FMN1: variants seen among roughly 807,000 people sequenced by gnomAD.
FMN1 encodes the protein formin 1.
In FMN1, 110 loss-of-function variants were observed where a neutral mutation model predicts 132.4. The observed-to-expected ratio is 0.83, with a 90% CI of 0.71 to 0.97. The LOEUF (loss-of-function observed/expected upper bound fraction) is 0.97, where lower values mean the gene tolerates loss of function less well. FMN1 is among the 50% of genes least tolerant of loss of function. The pLI, the probability that FMN1 is intolerant of heterozygous loss-of-function variation, is 0.00. For synonymous variants in FMN1, 722 were observed against 651.7 expected (o/e 1.11, Z -1.64); for missense variants, 1,792 against 1,705.3 (o/e 1.05, Z -0.90).
At chr15:33,102,296 A>G (rs924192883) in intron 4 of FMN1, among the ~76,000 whole-genome samples, 1 of 152,162 alleles carries the variant, frequency 6.6e-6, no homozygotes, top group African/African-American at 2.4e-5. Flanking sequence ...TCAATGAAAG[A>G]AGGAGCTATT....
chr15:33,188,960 G>C (rs1220049991), intron 2 of FMN1, among the ~76,000 whole-genome samples: 2 of 152,136 alleles, frequency 1.3e-5, no homozygotes, highest in African/African-American at 2.4e-5. Context: ...GGGCATAAGA[G>C]TTACTGTTGC....
chr15:33,005,084 A>G (rs2034341441), intron 7 of FMN1, among the ~76,000 whole-genome samples: 1 of 152,106 alleles, frequency 6.6e-6, no homozygotes, highest in Non-Finnish European at 1.5e-5. Flanking sequence ...GATATACCTA[A>G]TGCTAAATGA....
At chr15:32,800,167 A>AT (rs1487111368) in intron 18 of FMN1, among the ~76,000 whole-genome samples, 8 of 152,196 alleles carry the variant, frequency 5.3e-5, no homozygotes, top group African/African-American at 1.9e-4. Context: ...CATGGGTACG[A>AT]TTAGGCGAGA....
chr15:33,176,988 G>A (rs1965536292), intron 3 of FMN1, among the ~76,000 whole-genome samples: 1 of 152,192 alleles, frequency 6.6e-6, no homozygotes, highest in Non-Finnish European at 1.5e-5. Context: ...AAATAATTAA[G>A]ATAATTACTG....
At chr15:32,861,210 C>T (rs936018795) in intron 16 of FMN1, among the ~76,000 whole-genome samples, 1 of 152,204 alleles carries the variant, frequency 6.6e-6, no homozygotes, top group Non-Finnish European at 1.5e-5. Flanking sequence ...AGGATATAAT[C>T]GAACGCCTGA....
intron 17 of FMN1, among the ~76,000 whole-genome samples, chr15:32,810,363 A>C (rs1216954529): frequency 6.6e-6 from 1 of 152,214 alleles, no homozygotes; most frequent in Non-Finnish European, 1.5e-5. Flanking sequence ...TGAAGAGTAG[A>C]GTAGAACTGA....
At chr15:33,098,447 C>T (rs1027647572) in intron 4 of FMN1, among the ~76,000 whole-genome samples, 1 of 152,162 alleles carries the variant, frequency 6.6e-6, no homozygotes, top group African/African-American at 2.4e-5. Flanking sequence ...AAACTAGGCA[C>T]ACACTACAAC....
chr15:33,103,432 T>C (rs760904332), intron 4 of FMN1, among the ~76,000 whole-genome samples: 10 of 152,082 alleles, frequency 6.6e-5, no homozygotes, highest in African/African-American at 1.7e-4. Context: ...CTGGCACCTA[T>C]AGTACATAAA....
chr15:33,125,411 G>A (rs1456161805), intron 4 of FMN1, among the ~76,000 whole-genome samples: 2 of 151,280 alleles, frequency 1.3e-5, no homozygotes, highest in East Asian at 2.0e-4. Flanking sequence ...ACTCTTCCTA[G>A]ATGTACCAGT....
intron 16 of FMN1, among the ~76,000 whole-genome samples, chr15:32,877,858 T>C (rs993066590): frequency 2.0e-5 from 3 of 149,284 alleles, no homozygotes; most frequent in Non-Finnish European, 4.4e-5. Context: ...ATTTCTTCCA[T>C]TGTTCATTTG....
intron 4 of FMN1, among the ~76,000 whole-genome samples, chr15:33,102,711 T>C (rs1390976680): frequency 1.3e-5 from 2 of 152,170 alleles, no homozygotes; most frequent in Non-Finnish European, 2.9e-5. Flanking sequence ...GTCTTTCTGC[T>C]TTTTAATCCT....
At chr15:32,789,063 T>G (rs1327111571) in intron 19 of FMN1, among the ~76,000 whole-genome samples, 1 of 152,202 alleles carries the variant, frequency 6.6e-6, no homozygotes, top group Admixed American at 6.5e-5. Context: ...TTGCAATCAA[T>G]TTCAACATGG....
At chr15:32,781,422 A>C (rs2056660276) in intron 19 of FMN1, among the ~76,000 whole-genome samples, 1 of 152,220 alleles carries the variant, frequency 6.6e-6, no homozygotes, top group Admixed American at 6.5e-5. Flanking sequence ...CAATGAATTC[A>C]ACATTCTTAC....
intron 15 of FMN1, among the ~76,000 whole-genome samples, chr15:32,896,217 C>A (rs1184917466): frequency 6.6e-6 from 1 of 151,904 alleles, no homozygotes. Context: ...GTTAGTCTAT[C>A]ATTCTACACT....
At chr15:32,795,833 T>C (rs1009890068) in intron 19 of FMN1, among the ~76,000 whole-genome samples, 2 of 152,138 alleles carry the variant, frequency 1.3e-5, no homozygotes, top group Non-Finnish European at 2.9e-5. Flanking sequence ...CTCTTTTGCT[T>C]AAGATTGGCT....
chr15:32,821,396 T>C (rs562977074), intron 17 of FMN1, among the ~76,000 whole-genome samples: 82 of 152,112 alleles, frequency 5.4e-4, no homozygotes, highest in African/African-American at 1.9e-3. Context: ...CATTTTTCCT[T>C]TACTGGTTTG....
chr15:33,025,083 T>C (rs1014686374), intron 6 of FMN1, among the ~76,000 whole-genome samples: 1 of 152,134 alleles, frequency 6.6e-6, no homozygotes, highest in Non-Finnish European at 1.5e-5. Context: ...TAATAACAAT[T>C]TTACCCAAGT....
chr15:33,187,409 T>G (rs1406707442), intron 2 of FMN1, among the ~76,000 whole-genome samples: 1 of 151,996 alleles, frequency 6.6e-6, no homozygotes, highest in Non-Finnish European at 1.5e-5. Flanking sequence ...AAAAGAATTA[T>G]CTCCCCAGGG....
intron 4 of FMN1, among the ~76,000 whole-genome samples, chr15:33,104,785 G>A (rs143006220): frequency 4.6e-5 from 7 of 152,226 alleles, no homozygotes; most frequent in African/African-American, 1.7e-4. Context: ...ATATAAATTT[G>A]TAAAGGTATT....
Sources: gnomAD v4.1 joint callset for allele counts (sites outside exome capture counted in the v4.1 genomes callset) on GRCh38, gnomAD v4.1.1 for gene constraint, MANE v1.5 for transcripts, NCBI Gene and HGNC (gene_info 2026-07-23, HGNC 2026-07-21) for gene names.